The following DRC7 variants were observed in gnomAD, a reference collection of about 807,000 sequenced individuals.
DRC7 encodes dynein regulatory complex subunit 7.
Under a neutral mutation model 104.4 loss-of-function variants are expected in DRC7, and 80 were observed. The ratio of observed to expected loss-of-function variants is 0.77; its 90% CI spans 0.64 to 0.92. The LOEUF is 0.92. Among genes scored for constraint, DRC7 ranks in the 40% least tolerant of loss-of-function variants. The pLI, the probability that DRC7 is intolerant of heterozygous loss-of-function variation, is 0.00. For synonymous variants in DRC7, 405 were observed against 447.3 expected (o/e 0.91, Z 1.19); for missense variants, 1,034 against 1,141.1 (o/e 0.91, Z 1.35).
At position 57,707,595 on chromosome 16, in the gene DRC7, G is replaced by T. The variant is rs1381122554; in HGVS notation, c.994G>T (p.Asp332Tyr). The change falls in exon 8 of 19, where the codon GAT (aspartate) becomes TAT (tyrosine). Residue 332 changes from aspartate to tyrosine, a missense_variant. Transcript: ENST00000360716. ...PFTGHSYSTQDEHFLGIESLW... is the reference protein window; with the variant it reads ...PFTGHSYSTQYEHFLGIESLW... ...CACAGGACATAGCTACAGCACCCAG[G>T]ATGAGCACTTCCTGGGCATCGAAAG... is the stretch of plus-strand genomic sequence containing the variant. The T allele has an allele frequency of 6.2e-7, 1 of 1,613,624 alleles. No homozygotes were observed.
intron 8 of DRC7, among the ~76,000 whole-genome samples, chr16:57,708,954 C>T (rs1405674624): frequency 6.6e-6 from 1 of 151,714 alleles, no homozygotes; most frequent in Non-Finnish European, 1.5e-5. Context: ...CATGGTGAAA[C>T]CCCGTCTCTA....
intron 9 of DRC7, among the ~76,000 whole-genome samples, chr16:57,719,046 G>A (rs1307578818): frequency 4.7e-5 from 7 of 149,126 alleles, no homozygotes; most frequent in East Asian, 4.3e-4. Flanking sequence ...ATAACACCCC[G>A]CTCTGCAACC....
chr16:57,702,266 GC>G, intron 6 of DRC7, 136 bp downstream of exon 6: 1 of 781,800 alleles, frequency 1.3e-6, no homozygotes. Context: ...CTCACCACCA[GC>G]CCTTCCGCTG....
In DRC7 at chr16:57,704,929, C is replaced by T. The variant is rs144432014; in HGVS notation, c.753C>T (p.Pro251=). Residue 251 remains proline, a synonymous_variant, in exon 7 of 19, where the codon CCC becomes CCT. Coordinates refer to ENST00000360716, the MANE Select transcript of DRC7 (RefSeq NM_001289162.2). The part of the protein sequence containing the change: ...VLPKKYTIKP[P]RDLCSRFEQE... ...CTAAGAAGTATACCATCAAACCCCC[C>T]AGGGACCTGTGCAGCAGGTTTGAGC... 6.2e-7 allele frequency: 1 copy of T among 1,613,860 alleles called. No homozygotes were observed. The highest frequency in any genetic ancestry group is 1.3e-5 in the African/African-American group (1 of 75,024).
intron 15 of DRC7, 75 bp from the exon 16 acceptor site, chr16:57,727,224 G>A (rs913856768): frequency 2.4e-6 from 3 of 1,235,754 alleles, no homozygotes; most frequent in Non-Finnish European, 3.6e-6. Context: ...GCCCTCCTTG[G>A]CTTCCCAAAG....
intron 2 of DRC7, among the ~76,000 whole-genome samples, chr16:57,697,110 G>A (rs1475035036): frequency 4.0e-5 from 6 of 151,840 alleles, no homozygotes; most frequent in South Asian, 2.1e-4. Flanking sequence ...ACGGGGTTTC[G>A]CCATATTGGC....
In DRC7 at chr16:57,727,450, A is replaced by T. The variant is rs200433972; in HGVS notation, c.2196+41A>T. 40 of 1,478,424 alleles carry T rather than the reference A, an allele frequency of 2.7e-5. No homozygotes were observed. In the African/African-American group the frequency reaches 5.0e-4, roughly 18 times the overall value. The allele number at this position is 1,478,424 out of a possible 1,614,324, so 91.6% of individuals were successfully genotyped here. On this transcript the variant is annotated intron_variant, in intron 16 of 18. Transcript: ENST00000360716. ...TTCTCCAGGCCCCAGCTTTTCCTAGACCCCCCTGGTCTCCAGGGTGGTGGG... is the reference window on the plus strand; with the variant it reads ...TTCTCCAGGCCCCAGCTTTTCCTAGTCCCCCCTGGTCTCCAGGGTGGTGGG...
chr16:57,722,899 T>C lies in DRC7; in HGVS notation c.1408+58T>C, dbSNP rs113354423. 3,743 of 1,612,386 alleles carry C rather than the reference T, an allele frequency of 2.3e-3. 68 individuals are homozygous for C. The African/African-American group carries it at 0.043, about 19-fold the overall frequency. ...CCAGCCCAGGGGCGGGGGCGGCTTC[T>C]ACTCTCTCTGGGGTCATTGCTGGCC... is the stretch of plus-strand genomic sequence containing the variant. On this transcript the variant is annotated intron_variant, in intron 11 of 18. Transcript: ENST00000360716.
In DRC7 at chr16:57,718,246, C is replaced by T. The variant is rs1374988826; in HGVS notation, c.1078-101C>T. ...CTTCCCCAAGCCCTGGGCCCAGGTCCCTTCTCTGCCCCGGAGTAGCCATCT... is the reference window on the plus strand; with the variant it reads ...CTTCCCCAAGCCCTGGGCCCAGGTCTCTTCTCTGCCCCGGAGTAGCCATCT... On this transcript the variant is annotated intron_variant, in intron 8 of 18. Transcript: ENST00000360716. The T allele has an allele frequency of 4.1e-6, 6 of 1,467,706 alleles. No individual in the cohort carries two copies. In the African/African-American group the frequency reaches 8.4e-5, roughly 21 times the overall value. The allele number at this position is 1,467,706 out of a possible 1,614,324, so 90.9% of individuals were successfully genotyped here.
chr16:57,721,069 A>T (rs138504333), intron 9 of DRC7, among the ~76,000 whole-genome samples: 1 of 152,026 alleles, frequency 6.6e-6, no homozygotes, highest in Admixed American at 6.6e-5. Flanking sequence ...ACAAAAATCA[A>T]CTGGGTGTGG....
chr16:57,702,202 A>G, intron 6 of DRC7, 72 bp downstream of exon 6: 1 of 1,528,844 alleles, frequency 6.5e-7, no homozygotes, highest in Non-Finnish European at 8.9e-7. Flanking sequence ...CCATCCTTAG[A>G]GACGTCCATC....
chr16:57,700,863 G>A (rs1374543256), intron 5 of DRC7, among the ~76,000 whole-genome samples: 4 of 152,104 alleles, frequency 2.6e-5, no homozygotes, highest in Admixed American at 6.5e-5. Flanking sequence ...CCCAGACATC[G>A]CCTATTGATT....
At position 57,698,277 on chromosome 16, in the gene DRC7, G is replaced by A. The variant is rs1254907023; in HGVS notation, c.203+125G>A. On this transcript the variant is annotated intron_variant, in intron 3 of 18. Transcript: ENST00000360716. ...GAGATAGAGGGAAGCAGTTATGAGT[G>A]AAGGCTTTCTGCTTTCAAATGGCCT... The A allele has an allele frequency of 2.8e-6, 4 of 1,425,638 alleles. No individual in the cohort carries two copies. The East Asian group carries it at 9.4e-5, about 33-fold the overall frequency. 88.3% of individuals were successfully genotyped at this position (1,425,638 alleles called of 1,614,324 possible).
intron 8 of DRC7, among the ~76,000 whole-genome samples, chr16:57,715,767 T>C (rs4429289): frequency 0.061 from 9,213 of 152,118 alleles, 575 homozygotes; most frequent in East Asian, 0.23. Context: ...ATAAGCACCA[T>C]GGTGGTCGGT....
chr16:57,715,103 A>G (rs1287110760), intron 8 of DRC7: 3 of 182,044 alleles, frequency 1.6e-5, no homozygotes, highest in African/African-American at 7.2e-5. Flanking sequence ...GCTGGAGTGC[A>G]GTGGCGCGAT....
rs1322035524 is a variant in DRC7 at position 57,731,689 on chromosome 16, G to A, written c.*431G>A. 5.6e-6 allele frequency: 1 copy of A among 179,418 alleles called. No homozygotes were observed. The highest frequency in any genetic ancestry group is 1.6e-4 in the East Asian group (1 of 6,084). The allele number at this position is 179,418 out of a possible 1,614,324, so 11.1% of individuals were successfully genotyped here. ...CACCTCACCAAGTGGGATGGGGAAG[G>A]CTAAGATGCATGCCCCAGAATTTGA... On this transcript the variant is annotated 3_prime_UTR_variant, in exon 19 of 19. Coordinates refer to ENST00000360716, the MANE Select transcript of DRC7 (RefSeq NM_001289162.2).
intron 14 of DRC7, chr16:57,726,613 G>A (rs2048969488): frequency 9.1e-6 from 5 of 548,584 alleles, no homozygotes; most frequent in Admixed American, 3.1e-5. Flanking sequence ...CTAGTCAAAC[G>A]CTCACTCTCC....
chr16:57,698,349 A>C (rs78289309), intron 3 of DRC7, among the ~76,000 whole-genome samples, 197 bp downstream of exon 3: 24,651 of 152,066 alleles, frequency 0.16, 2,142 homozygotes, highest in Non-Finnish European at 0.19. Flanking sequence ...ACCTTGGGCA[A>C]GTCACTCAGC....
chr16:57,703,200 C>CAAAAAAAAA (rs71152293), intron 6 of DRC7, among the ~76,000 whole-genome samples: 1 of 62,926 alleles, frequency 1.6e-5, no homozygotes. Flanking sequence ...TTTTTAATAG[C>CAAAAAAAAA]AAAAAAAAAA....
Sources: allele counts gnomAD v4.1 joint callset (sites outside exome capture counted in the v4.1 genomes callset), GRCh38; gene constraint gnomAD v4.1.1; transcripts MANE v1.5; gene names NCBI Gene and HGNC (gene_info 2026-07-23, HGNC 2026-07-21).